Variants in ZDHHC23 observed in about 807,000 individuals in gnomAD.
ZDHHC23 encodes the protein palmitoyltransferase ZDHHC23.
ZDHHC23 carries 41 observed loss-of-function variants against 40.2 expected under a neutral mutation model. The observed-to-expected ratio is 1.02, with a 90% CI of 0.79 to 1.32. The LOEUF (loss-of-function observed/expected upper bound fraction) is 1.32, where lower values mean the gene tolerates loss of function less well. Ranked by LOEUF, ZDHHC23 falls within the 40% of genes most tolerant of loss-of-function variation. The probability of loss-of-function intolerance (pLI) is 0.00; values close to 1 mark genes in which losing one functional copy is unlikely to be tolerated. For synonymous variants in ZDHHC23, 204 were observed against 210.2 expected (o/e 0.97, Z 0.26); for missense variants, 471 against 541.5 (o/e 0.87, Z 1.29).
chr3:113,965,697 C>A (rs747550266), downstream of ZDHHC23, among the ~76,000 whole-genome samples: 1 of 152,160 alleles, frequency 6.6e-6, no homozygotes. Flanking sequence ...TCAAATGATT[C>A]TTGTGCCTCA....
chr3:113,948,904 A>T lies in ZDHHC23; in HGVS notation c.102A>T (p.Glu34Asp). 1.2e-6 allele frequency: 2 copies of T among 1,614,212 alleles called. No individual in the cohort carries two copies. The highest frequency in any genetic ancestry group is 1.7e-6 in the Non-Finnish European group (2 of 1,180,040). The change falls in exon 2 of 5, where the codon GAA becomes GAT. Residue 34 changes from glutamate to aspartate, a missense_variant. This residue lies in a region of ZDHHC23 where 83 missense variants were observed against 67.8 expected (regional missense o/e 1.22). Coordinates refer to ENST00000638807, the MANE Select transcript of ZDHHC23 (RefSeq NM_001320466.2). ...CCCEYIDRNG[E>D]KNHVATCLCD... is the part of the protein sequence containing the mutation. Reference sequence around the variant, plus strand: ...GCGAGTACATAGATCGGAATGGGGAAAAGAACCACGTGGCTACTTGTTTGT... The same window carrying T: ...GCGAGTACATAGATCGGAATGGGGATAAGAACCACGTGGCTACTTGTTTGT...
At chr3:113,975,161 G>T in the ZDHHC23 span, among the ~76,000 whole-genome samples, 1 of 152,034 alleles carries the variant, frequency 6.6e-6, no homozygotes, top group South Asian at 2.1e-4. Flanking sequence ...AAGAACTATG[G>T]TAGCAAGACA....
downstream of ZDHHC23, chr3:113,965,412 C>T (rs1370868612): frequency 9.8e-7 from 1 of 1,024,064 alleles, no homozygotes; most frequent in Non-Finnish European, 1.4e-6. Context: ...GTTGGCTTTC[C>T]ATCTATAGCA....
downstream of ZDHHC23, among the ~76,000 whole-genome samples, chr3:113,963,719 A>G (rs920537780): frequency 6.6e-6 from 1 of 152,052 alleles, no homozygotes; most frequent in African/African-American, 2.4e-5. Context: ...CCTGAAGTAC[A>G]GTGACAGAGT....
intron 3 of ZDHHC23, among the ~76,000 whole-genome samples, chr3:113,954,757 T>C (rs1939011007): frequency 6.6e-6 from 1 of 152,194 alleles, no homozygotes; most frequent in Non-Finnish European, 1.5e-5. Flanking sequence ...AGTATAAGCA[T>C]ATTTCCCTGT....
the ZDHHC23 span, among the ~76,000 whole-genome samples, chr3:113,976,446 C>CTTAT: frequency 3.9e-5 from 6 of 152,024 alleles, no homozygotes; most frequent in African/African-American, 7.2e-5. Flanking sequence ...CTGCCTGTTG[C>CTTAT]TTATTTCTTT....
chr3:113,953,952 C>T lies in ZDHHC23; in HGVS notation c.414C>T (p.Thr138=), dbSNP rs148932231. 1.2e-6 allele frequency: 2 copies of T among 1,614,082 alleles called. No individual in the cohort carries two copies. Among genetic ancestry groups the T allele is most frequent in the South Asian group, 1.1e-5 (1 of 91,080 alleles). The change falls in exon 3 of 5, where the codon ACC becomes ACT. Residue 138 remains threonine (T), a synonymous_variant. Transcript: ENST00000638807. ...TCACTCACAGAAGGAAAGAACAGACCCTGTTTTTCCTGAGCCTTGGACTGT... is the reference window on the plus strand; with the variant it reads ...TCACTCACAGAAGGAAAGAACAGACTCTGTTTTTCCTGAGCCTTGGACTGT... ...YYLTHRRKEQ[T]LFFLSLGLFS... is the part of the protein sequence containing the mutation.
In ZDHHC23 at chr3:113,948,204, C is replaced by T. The variant is rs1270483343; in HGVS notation, c.-118+14C>T. 2 of 152,662 alleles carry T rather than the reference C, an allele frequency of 1.3e-5. No homozygotes were observed. Among genetic ancestry groups the T allele is most frequent in the African/African-American group, 4.8e-5 (2 of 41,454 alleles). The allele number at this position is 152,662 out of a possible 1,614,324, so 9.5% of individuals were successfully genotyped here. A position where few individuals can be genotyped will look rare whatever the true frequency, so the allele number is the denominator to read the frequency against. On this transcript the variant is annotated intron_variant, in intron 1 of 4. Transcript: ENST00000638807. ...GCCAGAGGGCAGGTAACTTCCCTTC[C>T]AAGGTCATTCTCCTGGCGGGGTGGT...
At chr3:113,969,187 C>T (rs1426682859), downstream of ZDHHC23, among the ~76,000 whole-genome samples, 2 of 152,218 alleles carry the variant, frequency 1.3e-5, no homozygotes, top group Non-Finnish European at 2.9e-5. Context: ...AAATACCTCC[C>T]ATTAGACTCC....
At chr3:113,949,576 A>G (rs1479621163) in intron 2 of ZDHHC23, among the ~76,000 whole-genome samples, 1 of 152,264 alleles carries the variant, frequency 6.6e-6, no homozygotes, top group Non-Finnish European at 1.5e-5. Context: ...CAAAAAGAGA[A>G]TTTTTAACAT....
Position 113,953,847 on chromosome 3 carries a change from TC to T in ZDHHC23, c.310del (p.His104MetfsTer14). ...CGCTTGTCCTGCTGCCTGTCTTCCT[TC>T]ATGTGGCTTCCTGGCATTTCCTCCT... Reference protein sequence around the residue: ...PPLVLLPVFLHVASWHFLLGV... With the variant: ...PPLVLLPVFLXVASWHFLLGV... On this transcript the variant is annotated frameshift_variant, in exon 3 of 5. Coordinates refer to ENST00000638807, the MANE Select transcript of ZDHHC23 (RefSeq NM_001320466.2). LOFTEE classifies it high-confidence loss of function. 1 of 1,614,216 alleles carries T rather than the reference TC, an allele frequency of 6.2e-7. No homozygotes were observed. The highest frequency in any genetic ancestry group is 8.5e-7 in the Non-Finnish European group (1 of 1,180,040).
chr3:113,975,162 T>C, the ZDHHC23 span, among the ~76,000 whole-genome samples: 1 of 152,302 alleles, frequency 6.6e-6, no homozygotes, highest in African/African-American at 2.4e-5. Flanking sequence ...AGAACTATGG[T>C]AGCAAGACAA....
downstream of ZDHHC23, among the ~76,000 whole-genome samples, chr3:113,963,758 C>T (rs1407695775): frequency 6.6e-6 from 1 of 151,744 alleles, no homozygotes; most frequent in African/African-American, 2.4e-5. Context: ...AAAAAAAACA[C>T]AGAACAAACA....
downstream of ZDHHC23, chr3:113,965,362 T>C (rs776137713): frequency 6.5e-7 from 1 of 1,549,792 alleles, no homozygotes; most frequent in South Asian, 1.2e-5. Flanking sequence ...GGATCCTCCT[T>C]TAAGAATAAA....
At chr3:113,957,852 G>A (rs1331835505) in intron 4 of ZDHHC23, 3 of 517,970 alleles carry the variant, frequency 5.8e-6, no homozygotes, top group South Asian at 4.2e-5. Context: ...CTACATCCAG[G>A]TAAGCACAGG....
At chr3:113,963,637 G>A (rs549816895), downstream of ZDHHC23, among the ~76,000 whole-genome samples, 2 of 150,374 alleles carry the variant, frequency 1.3e-5, no homozygotes, top group East Asian at 3.9e-4. Context: ...CTGAGAGGCT[G>A]AGGTGGGAGG....
At chr3:113,965,263 C>T (rs760084450), downstream of ZDHHC23, 30 of 1,611,590 alleles carry the variant, frequency 1.9e-5, no homozygotes, top group Non-Finnish European at 2.5e-5. Flanking sequence ...CAACTACCTT[C>T]CTACGAAGTT....
downstream of ZDHHC23, among the ~76,000 whole-genome samples, chr3:113,968,459 CCCT>C (rs1240069584): frequency 4.6e-5 from 7 of 151,872 alleles, no homozygotes; most frequent in Non-Finnish European, 7.4e-5. Flanking sequence ...ATCTTCCCCC[CCCT>C]TTTTTTTTTA....
chr3:113,956,408 C>T lies in ZDHHC23; in HGVS notation c.942C>T (p.Thr314=). The T allele has an allele frequency of 1.2e-6, 2 of 1,614,130 alleles. No homozygotes were observed. Among genetic ancestry groups the T allele is most frequent in the Non-Finnish European group, 1.7e-6 (2 of 1,180,020 alleles). Residue 314 remains threonine, a synonymous_variant, in exon 4 of 5, where the codon ACC becomes ACT. Transcript: ENST00000638807. Reference sequence around the variant, plus strand: ...TTGCCCTTTTGATCTTCTTGCTCACCTCGGTGTATGGGATCACACTGACCT... The same window carrying T: ...TTGCCCTTTTGATCTTCTTGCTCACTTCGGTGTATGGGATCACACTGACCT... ...FILALLIFLL[T]SVYGITLTLD... is the part of the protein sequence containing the mutation.
Sources: allele counts gnomAD v4.1 joint callset (sites outside exome capture counted in the v4.1 genomes callset), GRCh38; gene constraint gnomAD v4.1.1; regional missense constraint gnomAD v4.1.1; transcripts MANE v1.5; gene names NCBI Gene and HGNC (gene_info 2026-07-23, HGNC 2026-07-21).